Variants in DCDC1 observed in about 807,000 individuals in gnomAD.
The protein encoded by DCDC1 is doublecortin domain-containing protein 1.
Under a neutral mutation model 178.3 loss-of-function variants are expected in DCDC1, and 200 were observed. That is an observed-to-expected ratio of 1.12 (90% CI 1.00 to 1.26). The LOEUF is 1.26. DCDC1 is among the 50% of genes most tolerant of loss of function. The pLI, the probability that DCDC1 is intolerant of heterozygous loss-of-function variation, is 0.00. For synonymous variants in DCDC1, 690 were observed against 604.8 expected (o/e 1.14, Z -2.07); for missense variants, 1,983 against 1,749.2 (o/e 1.13, Z -2.38).
chr11:31,116,269 T>C (rs1959944516), intron 11 of DCDC1, among the ~76,000 whole-genome samples: 1 of 152,108 alleles, frequency 6.6e-6, no homozygotes, highest in African/African-American at 2.4e-5. Context: ...GAAGCTCTAA[T>C]ATATGAAAAT....
At chr11:30,968,284 C>T (rs1026952008) in intron 20 of DCDC1, among the ~76,000 whole-genome samples, 13 of 152,098 alleles carry the variant, frequency 8.5e-5, no homozygotes, top group African/African-American at 3.1e-4. Flanking sequence ...ATTTGGTTCC[C>T]TAGGATTCAG....
chr11:31,024,610 C>T (rs1430907548), intron 20 of DCDC1, among the ~76,000 whole-genome samples: 1 of 151,800 alleles, frequency 6.6e-6, no homozygotes, highest in Admixed American at 6.6e-5. Flanking sequence ...AAGCAATTAT[C>T]TCCGTAGTCC....
chr11:30,911,228 T>A, intron 28 of DCDC1, 99 bp downstream of exon 28: 1 of 929,612 alleles, frequency 1.1e-6, no homozygotes, highest in South Asian at 1.6e-5. Flanking sequence ...AATAGGATTC[T>A]ATGACAGTTT....
intron 2 of DCDC1, among the ~76,000 whole-genome samples, chr11:31,328,945 CTTTTTTTTTTTTTTTT>C (rs1176942329): frequency 8.4e-5 from 4 of 47,788 alleles, no homozygotes; most frequent in East Asian, 5.2e-4. Context: ...CACCACAAGG[CTTTTTTTTTTTTTTTT>C]TTTTTTTTTT....
chr11:31,076,549 G>A (rs963374555), intron 18 of DCDC1, among the ~76,000 whole-genome samples: 2 of 152,000 alleles, frequency 1.3e-5, no homozygotes, highest in African/African-American at 4.8e-5. Context: ...ATCTTGCCAT[G>A]TTGCCCATGC....
At chr11:31,100,474 T>C (rs1262034092) in intron 15 of DCDC1, among the ~76,000 whole-genome samples, 2 of 152,224 alleles carry the variant, frequency 1.3e-5, no homozygotes, top group Non-Finnish European at 2.9e-5. Flanking sequence ...TAATGAGTCC[T>C]GAGAATACAA....
At chr11:31,328,411 A>C (rs1949763284) in intron 2 of DCDC1, 125 bp from the exon 3 acceptor site, 1 of 912,166 alleles carries the variant, frequency 1.1e-6, no homozygotes, top group Non-Finnish European at 1.5e-6. Context: ...GCAATGATTA[A>C]ATGTGAAATT....
intron 9 of DCDC1, among the ~76,000 whole-genome samples, chr11:31,162,058 C>A (rs1966358067): frequency 6.6e-6 from 1 of 151,950 alleles, no homozygotes; most frequent in Non-Finnish European, 1.5e-5. Context: ...TTCTAAAAAG[C>A]AATAATAGTT....
At chr11:30,991,496 A>C (rs2134928824) in intron 20 of DCDC1, among the ~76,000 whole-genome samples, 1 of 152,276 alleles carries the variant, frequency 6.6e-6, no homozygotes, top group African/African-American at 2.4e-5. Context: ...AAGAAAACTC[A>C]GTGGCAACTG....
intron 3 of DCDC1, among the ~76,000 whole-genome samples, chr11:31,317,261 C>T (rs1482005296): frequency 1.0e-4 from 1 of 9,676 alleles, no homozygotes; most frequent in East Asian, 1.1e-3. Flanking sequence ...TGGCCATTTT[C>T]ACGATATTGA....
intron 21 of DCDC1, among the ~76,000 whole-genome samples, chr11:30,932,554 C>T (rs1044266360): frequency 6.6e-6 from 1 of 151,800 alleles, no homozygotes; most frequent in Non-Finnish European, 1.5e-5. Flanking sequence ...TATTATGCAC[C>T]AAAAATAAAA....
intron 30 of DCDC1, 177 bp downstream of exon 30, chr11:30,906,363 G>A (rs1011720343): frequency 4.7e-6 from 3 of 633,032 alleles, no homozygotes; most frequent in Non-Finnish European, 5.3e-6. Flanking sequence ...AATAGACAAT[G>A]CATTTTAAAT....
At chr11:30,875,055 G>A (rs1941989432) in intron 38 of DCDC1, among the ~76,000 whole-genome samples, 1 of 151,972 alleles carries the variant, frequency 6.6e-6, no homozygotes, top group Non-Finnish European at 1.5e-5. Context: ...TATACATTTG[G>A]TACAGGGTGA....
intron 6 of DCDC1, among the ~76,000 whole-genome samples, chr11:31,297,346 A>AC (rs1947764014): frequency 6.7e-6 from 1 of 148,414 alleles, no homozygotes; most frequent in South Asian, 2.1e-4. Context: ...TTCTAGGAAA[A>AC]CATACTAGCC....
chr11:31,139,348 G>A (rs987400814), intron 9 of DCDC1, among the ~76,000 whole-genome samples: 3 of 152,078 alleles, frequency 2.0e-5, no homozygotes, highest in Non-Finnish European at 2.9e-5. Context: ...ATTTTCAAGG[G>A]ATATATAAAA....
intron 1 of DCDC1, among the ~76,000 whole-genome samples, chr11:31,369,496 C>T (rs541138812): frequency 6.6e-6 from 1 of 152,148 alleles, no homozygotes; most frequent in Admixed American, 6.5e-5. Flanking sequence ...TCTCTCACCC[C>T]AGAGTTCAAG....
At chr11:30,980,689 T>G (rs1007867951) in intron 20 of DCDC1, among the ~76,000 whole-genome samples, 2 of 152,114 alleles carry the variant, frequency 1.3e-5, no homozygotes, top group Admixed American at 6.6e-5. Flanking sequence ...AATAAATGAA[T>G]GAAAAGAATG....
chr11:31,059,550 T>C (rs960705194), intron 20 of DCDC1, among the ~76,000 whole-genome samples: 1 of 152,034 alleles, frequency 6.6e-6, no homozygotes, highest in East Asian at 1.9e-4. Context: ...TCCTAGAAAG[T>C]ATAGTTGGAT....
chr11:31,186,441 T>C (rs540219125), intron 9 of DCDC1, among the ~76,000 whole-genome samples: 2 of 152,332 alleles, frequency 1.3e-5, no homozygotes, highest in South Asian at 4.1e-4. Context: ...ATCCAGTTTG[T>C]GTCCCACCAC....
Sources: allele counts gnomAD v4.1 joint callset (sites outside exome capture counted in the v4.1 genomes callset), GRCh38; gene constraint gnomAD v4.1.1; transcripts MANE v1.5; gene names NCBI Gene and HGNC (gene_info 2026-07-23, HGNC 2026-07-21).